The following TSPAN18 variants were observed in gnomAD, a reference collection of about 807,000 sequenced individuals.
The protein encoded by TSPAN18 is tetraspanin-18.
TSPAN18 carries 14 observed loss-of-function variants against 27.3 expected under a neutral mutation model. The ratio of observed to expected loss-of-function variants is 0.51; its 90% CI spans 0.34 to 0.80. The LOEUF is 0.80. Among genes scored for constraint, TSPAN18 ranks in the 30% least tolerant of loss-of-function variants. The pLI is 0.01. For synonymous variants in TSPAN18, 143 were observed against 136.5 expected (o/e 1.05, Z -0.33); for missense variants, 268 against 323.9 (o/e 0.83, Z 1.32).
At chr11:44,802,609 G>GCACACAGACACACACACACACACACACA (rs1856506691) in intron 2 of TSPAN18, among the ~76,000 whole-genome samples, 1 of 142,610 alleles carries the variant, frequency 7.0e-6, no homozygotes, top group African/African-American at 2.7e-5. Flanking sequence ...GGGAAGCACT[G>GCACACAGACACACACACACACACACACA]CACACACACA....
chr11:44,754,935 G>C (rs1855297522), intron 1 of TSPAN18, among the ~76,000 whole-genome samples: 1 of 152,210 alleles, frequency 6.6e-6, no homozygotes, highest in South Asian at 2.1e-4. Flanking sequence ...TTCCTACTCA[G>C]TTGACCAGTG....
intron 1 of TSPAN18, among the ~76,000 whole-genome samples, chr11:44,732,680 G>C (rs572536181): frequency 1.3e-5 from 2 of 152,238 alleles, no homozygotes; most frequent in East Asian, 3.9e-4. Context: ...CTTATGGAGG[G>C]GTTAGAGCGG....
At chr11:44,859,369 T>C (rs923104697) in intron 2 of TSPAN18, among the ~76,000 whole-genome samples, 1 of 152,210 alleles carries the variant, frequency 6.6e-6, no homozygotes, top group African/African-American at 2.4e-5. Context: ...CGCCAAATGC[T>C]CCTCTGTGGG....
At chr11:44,892,865 G>T (rs114201681) in intron 3 of TSPAN18, among the ~76,000 whole-genome samples, 43 of 152,324 alleles carry the variant, frequency 2.8e-4, no homozygotes, top group African/African-American at 9.4e-4. Context: ...TGCTCACCTC[G>T]CAGGGTAGTT....
intron 2 of TSPAN18, among the ~76,000 whole-genome samples, chr11:44,847,967 C>G (rs147906283): frequency 1.3e-5 from 2 of 150,972 alleles, no homozygotes; most frequent in East Asian, 3.9e-4. Context: ...CCAAGTAGCT[C>G]GGACTACAGG....
intron 8 of TSPAN18, among the ~76,000 whole-genome samples, chr11:44,925,136 A>G (rs1050149328): frequency 2.0e-5 from 3 of 152,234 alleles, no homozygotes; most frequent in African/African-American, 7.2e-5. Context: ...TGAAGGTTCA[A>G]TTAAGACCTT....
intron 2 of TSPAN18, among the ~76,000 whole-genome samples, chr11:44,784,233 G>A (rs1260370185): frequency 2.0e-5 from 3 of 152,142 alleles, no homozygotes; most frequent in African/African-American, 7.2e-5. Flanking sequence ...AGCTTCTAGG[G>A]AATGGAGAGG....
intron 3 of TSPAN18, among the ~76,000 whole-genome samples, chr11:44,889,606 T>G (rs1384095096): frequency 6.6e-6 from 1 of 152,160 alleles, no homozygotes; most frequent in Admixed American, 6.5e-5. Context: ...CCACATGGGG[T>G]GATGTCAGAG....
chr11:44,869,479 T>C (rs1427005410), intron 3 of TSPAN18, among the ~76,000 whole-genome samples: 3 of 152,130 alleles, frequency 2.0e-5, no homozygotes, highest in Non-Finnish European at 4.4e-5. Flanking sequence ...ACAAGTCAGA[T>C]CTCTCCACAG....
rs145315328 is a variant in TSPAN18 at position 44,761,587 on chromosome 11, C to T, written c.-239-2839C>T. Reference sequence around the variant, plus strand: ...GCAAAATTCCACCGAAGACGGGAGACAGCTTAAGGCTCTGGAGCGCAAAAC... The same window carrying T: ...GCAAAATTCCACCGAAGACGGGAGATAGCTTAAGGCTCTGGAGCGCAAAAC... On this transcript the variant is annotated intron_variant, in intron 1 of 9. Coordinates refer to ENST00000520358, the MANE Select transcript of TSPAN18 (RefSeq NM_130783.5). Among the ~76,000 whole-genome samples, 394 of 152,350 alleles carry T rather than the reference C, an allele frequency of 2.6e-3. 1 individual carries two copies. The highest frequency in any genetic ancestry group is 8.4e-3 in the African/African-American group (351 of 41,578).
At chr11:44,874,853 C>T (rs1263814786) in intron 3 of TSPAN18, among the ~76,000 whole-genome samples, 2 of 152,214 alleles carry the variant, frequency 1.3e-5, no homozygotes, top group African/African-American at 4.8e-5. Flanking sequence ...AGACCACGCT[C>T]CTCCCTTTAG....
At chr11:44,845,364 G>A (rs541321177) in intron 2 of TSPAN18, among the ~76,000 whole-genome samples, 18 of 152,274 alleles carry the variant, frequency 1.2e-4, no homozygotes, top group South Asian at 4.1e-4. Flanking sequence ...GTGATACTGC[G>A]TGCAAAGTGC....
intron 2 of TSPAN18, among the ~76,000 whole-genome samples, chr11:44,778,766 C>T (rs1336067719): frequency 6.6e-6 from 1 of 152,178 alleles, no homozygotes; most frequent in African/African-American, 2.4e-5. Flanking sequence ...TGAGACCTGG[C>T]CTCCTGAAGC....
intron 7 of TSPAN18, 155 bp from the exon 8 acceptor site, chr11:44,919,662 G>A (rs958703881): frequency 2.7e-6 from 2 of 752,280 alleles, no homozygotes; most frequent in African/African-American, 1.8e-5. Context: ...GAGAAGCTGA[G>A]TGGCTTTCCC....
chr11:44,867,075 T>C (rs946548954), intron 3 of TSPAN18, among the ~76,000 whole-genome samples: 1 of 152,184 alleles, frequency 6.6e-6, no homozygotes, highest in Non-Finnish European at 1.5e-5. Flanking sequence ...AACCTCAAGT[T>C]GCTCAGGGTT....
chr11:44,780,745 A>G (rs1855919101), intron 2 of TSPAN18, among the ~76,000 whole-genome samples: 1 of 152,092 alleles, frequency 6.6e-6, no homozygotes, highest in South Asian at 2.1e-4. Context: ...CTATTTCCCC[A>G]TCTGTAAAAT....
At position 44,735,207 on chromosome 11, in the gene TSPAN18, T is replaced by C. The variant is rs1456873850; in HGVS notation, c.-240+7920T>C. Among the ~76,000 whole-genome samples the C allele has an allele frequency of 1.3e-5, 2 of 152,208 alleles. 1 individual carries two copies. Among genetic ancestry groups the C allele is most frequent in the East Asian group, 3.8e-4 (2 of 5,200 alleles). ...AGGGAAGGCTGTGACTGTGGCACCTTGGGGCCCTCAGACACCTCACTCACT... is the reference window on the plus strand; with the variant it reads ...AGGGAAGGCTGTGACTGTGGCACCTCGGGGCCCTCAGACACCTCACTCACT... On this transcript the variant is annotated intron_variant, in intron 1 of 9. Coordinates refer to ENST00000520358, the MANE Select transcript of TSPAN18 (RefSeq NM_130783.5).
At chr11:44,744,939 G>A (rs929976655) in intron 1 of TSPAN18, among the ~76,000 whole-genome samples, 3 of 152,216 alleles carry the variant, frequency 2.0e-5, no homozygotes, top group Non-Finnish European at 4.4e-5. Flanking sequence ...CCCAGGCTCA[G>A]CAGGAAGGAG....
At position 44,909,141 on chromosome 11, in the gene TSPAN18, G is replaced by A. The variant is rs183468881; in HGVS notation, c.64-564G>A. 7.7e-4 allele frequency among the ~76,000 whole-genome samples: 117 copies of A among 152,326 alleles called. 1 individual carries two copies. Among genetic ancestry groups the A allele is most frequent in the Non-Finnish European group, 1.4e-3 (94 of 68,038 alleles). On this transcript the variant is annotated intron_variant, in intron 4 of 9. Transcript: ENST00000520358. The stretch of plus-strand genomic sequence containing the variant: ...CCCACTCTCAAGTTGGAACCTCACT[G>A]AGAGTCCCATGGGGGACAATGACGA...
Sources: allele counts gnomAD v4.1 joint callset (sites outside exome capture counted in the v4.1 genomes callset), GRCh38; gene constraint gnomAD v4.1.1; transcripts MANE v1.5; gene names NCBI Gene and HGNC (gene_info 2026-07-23, HGNC 2026-07-21).